CTSD: variants seen among roughly 807,000 people sequenced by gnomAD.
CTSD encodes ceroid-lipofuscinosis, neuronal 10.
Under a neutral mutation model 43.6 loss-of-function variants are expected in CTSD, and 28 were observed. The ratio of observed to expected loss-of-function variants is 0.64; its 90% confidence interval spans 0.48 to 0.88. The LOEUF (loss-of-function observed/expected upper bound fraction) is 0.88, where lower values mean the gene tolerates loss of function less well. Among genes scored for constraint, CTSD ranks in the 40% least tolerant of loss-of-function variants. CTSD has a pLI of 0.00. For missense variants in CTSD, 485 were observed against 555.2 expected (o/e 0.87, Z 1.27); for synonymous variants, 270 against 249.8 (o/e 1.08, Z -0.76).
chr11:1,763,759 C>T, intron 1 of CTSD, 33 bp downstream of exon 1: 1 of 1,514,648 alleles, frequency 6.6e-7, no homozygotes, highest in Non-Finnish European at 8.8e-7. Flanking sequence ...GCGACCCCTG[C>T]CCGTCCCTGA....
At chr11:1,762,479 TGA>T (rs1845892538) in intron 1 of CTSD, 1 of 152,086 alleles carries the variant, frequency 6.6e-6, no homozygotes, top group Non-Finnish European at 1.5e-5. Flanking sequence ...CCCAGGGACT[TGA>T]GAGTACAAGG....
chr11:1,761,024 G>A, intron 2 of CTSD: 2 of 476,486 alleles, frequency 4.2e-6, no homozygotes, highest in South Asian at 2.1e-5. Flanking sequence ...CACTCAGGCA[G>A]GCCCAAGGAC....
rs1335299144 is a variant in CTSD, at chr11:1,761,338, T to G, written c.199A>C (p.Ile67Leu). The G allele has an allele frequency of 8.7e-6, 14 of 1,613,740 alleles. No homozygotes were observed. The highest frequency in any genetic ancestry group is 3.3e-5 in the Admixed American group (2 of 60,008). ...QAVPAVTEGPIPEVLKNYMDA... is the reference protein window; with the variant it reads ...QAVPAVTEGPLPEVLKNYMDA... ...ATGTAGTTCTTGAGCACCTCGGGAA[T>G]GGGCCCCTCGGTCACGGCTGGCACC... The change falls in exon 2 of 9, where the codon ATT becomes CTT. Residue 67 changes from isoleucine (I) to leucine (L), a missense_variant. Transcript: ENST00000236671.
rs533670455 is a variant in CTSD, at chr11:1,762,804, C to T, written c.68+988G>A. Among the ~76,000 whole-genome samples the T allele has an allele frequency of 2.0e-5, 3 of 152,322 alleles. No individual in the cohort carries two copies. The South Asian group carries it at 6.2e-4, about 32-fold the overall frequency. On this transcript the variant is annotated intron_variant, in intron 1 of 8. Transcript: ENST00000236671. ...AGGCTCAGGCTTGTGGCTACTCCCC[C>T]ACAACGACTTTAATTGGGGCTACCC...
Position 1,753,912 on chromosome 11 carries a change from T to C in CTSD, c.973-11A>G. 1 of 1,612,926 alleles carries C rather than the reference T, an allele frequency of 6.2e-7. No individual in the cohort carries two copies. The highest frequency in any genetic ancestry group is 8.5e-7 in the Non-Finnish European group (1 of 1,179,382). On this transcript the variant is annotated splice_polypyrimidine_tract_variant and intron_variant, in intron 7 of 8. Transcript: ENST00000236671. The stretch of plus-strand genomic sequence containing the variant: ...ACAGGGGATCATGTACTAAGAGGGG[T>C]CACAGCAGTGTCAGGGTGGTAGTGG...
intron 5 of CTSD, among the ~76,000 whole-genome samples, chr11:1,756,830 G>T (rs982730682): frequency 5.9e-5 from 9 of 152,194 alleles, no homozygotes; most frequent in African/African-American, 2.2e-4. Flanking sequence ...ACCTGCTGGG[G>T]ACGCCCACAG....
Position 1,759,046 on chromosome 11 carries a change from C to T in CTSD, c.394G>A (p.Val132Met), listed in dbSNP as rs770820791. ...KYNSDKSSTYVKNGTSFDIHY... is the reference protein window; with the variant it reads ...KYNSDKSSTYMKNGTSFDIHY... The stretch of plus-strand genomic sequence containing the variant: ...ATGTCAAACGAGGTACCATTCTTCA[C>T]GTAGGTGCTGGACTTGTCGCTGTTG... The change falls in exon 4 of 9, where the codon GTG becomes ATG. Residue 132 changes from valine to methionine, a missense_variant. By Grantham distance (21) the Val-to-Met change is conservative (BLOSUM62 1). Coordinates refer to ENST00000236671, the MANE Select transcript of CTSD (RefSeq NM_001909.5). The T allele has an allele frequency of 6.8e-6, 11 of 1,614,166 alleles. No homozygotes were observed. The highest frequency in any genetic ancestry group is 9.3e-6 in the Non-Finnish European group (11 of 1,179,978).
rs1845792332 is a variant in CTSD, at chr11:1,754,976, T to TG, written c.756dup (p.Lys253GlnfsTer39). ...TAGGACAGAGAACCCTTGTAATACT[T>TG]GGAGTCTGTGCCACCCAGCATCAGC... On this transcript the variant is annotated frameshift_variant, in exon 6 of 9. Transcript: ENST00000236671. LOFTEE classifies it high-confidence loss of function. The TG allele has an allele frequency of 1.2e-6, 2 of 1,613,786 alleles. No individual in the cohort carries two copies. Among genetic ancestry groups the TG allele is most frequent in the Non-Finnish European group, 1.7e-6 (2 of 1,179,896 alleles).
chr11:1,762,841 A>G (rs1466399385), intron 1 of CTSD, among the ~76,000 whole-genome samples: 3 of 152,156 alleles, frequency 2.0e-5, no homozygotes, highest in Non-Finnish European at 4.4e-5. Context: ...CCCCCGGGCC[A>G]TTCCCCACAG....
In CTSD at chr11:1,763,773, C is replaced by T. The variant is rs1008670744; in HGVS notation, c.68+19G>A. On this transcript the variant is annotated intron_variant, in intron 1 of 8. Transcript: ENST00000236671. ...CGCGACCCCTGCCCGTCCCTGAGCC[C>T]CGGCCCCTGAGGCTTCACCTGACGA... 1.2e-5 allele frequency: 19 copies of T among 1,522,890 alleles called. No individual in the cohort carries two copies. The East Asian group carries it at 4.8e-4, about 39-fold the overall frequency. 94.3% of individuals were successfully genotyped at this position (1,522,890 alleles called of 1,614,324 possible).
intron 2 of CTSD, 90 bp downstream of exon 2, chr11:1,761,219 G>T: frequency 6.8e-7 from 1 of 1,475,028 alleles, no homozygotes; most frequent in Non-Finnish European, 9.5e-7. Flanking sequence ...CTGCGCTGCT[G>T]AGAACAGGAG....
chr11:1,754,236 C>T (rs1338028777), intron 6 of CTSD, 98 bp from the exon 7 acceptor site: 2 of 1,389,256 alleles, frequency 1.4e-6, no homozygotes, highest in South Asian at 1.2e-5. Flanking sequence ...CTGGGCTGCA[C>T]TCTCCTCCCC....
chr11:1,753,375 G>T lies in CTSD; in HGVS notation c.*128C>A. 1 of 1,181,002 alleles carries T rather than the reference G, an allele frequency of 8.5e-7. No homozygotes were observed. Among genetic ancestry groups the T allele is most frequent in the Non-Finnish European group, 1.3e-6 (1 of 797,782 alleles). The allele number at this position is 1,181,002 out of a possible 1,614,324, so 73.2% of individuals were successfully genotyped here. ...ACAGCAAGTCGGGCTTGGGCCGCCGGCTTCCAGGGCGCCCAGGACAGTGGG... is the reference window on the plus strand; with the variant it reads ...ACAGCAAGTCGGGCTTGGGCCGCCGTCTTCCAGGGCGCCCAGGACAGTGGG... On this transcript the variant is annotated 3_prime_UTR_variant, in exon 9 of 9. Coordinates refer to ENST00000236671, the MANE Select transcript of CTSD (RefSeq NM_001909.5).
chr11:1,757,696 G>A (rs2133662282), intron 4 of CTSD, 140 bp from the exon 5 acceptor site: 1 of 755,802 alleles, frequency 1.3e-6, no homozygotes, highest in Non-Finnish European at 2.2e-6. Context: ...GAAAGGGCTG[G>A]AAACCCTGAG....
chr11:1,761,819 C>T (rs150432742), intron 1 of CTSD: 11 of 395,864 alleles, frequency 2.8e-5, no homozygotes, highest in Middle Eastern at 8.2e-4. Flanking sequence ...TCTGCACCTG[C>T]GCTGGTCTCT....
intron 8 of CTSD, 46 bp from the exon 9 acceptor site, chr11:1,753,716 C>A (rs769215967): frequency 3.7e-6 from 6 of 1,609,858 alleles, no homozygotes; most frequent in South Asian, 1.1e-5. Context: ...CACCACCCGC[C>A]CCCCCACCTG....
At chr11:1,759,440 T>G in intron 3 of CTSD, 76 bp downstream of exon 3, 1 of 1,596,772 alleles carries the variant, frequency 6.3e-7, no homozygotes, top group Non-Finnish European at 8.5e-7. Flanking sequence ...GTTGCCCAAG[T>G]GATTCCTGAG....
chr11:1,758,297 C>T (rs571500679), intron 4 of CTSD, among the ~76,000 whole-genome samples: 9 of 152,122 alleles, frequency 5.9e-5, no homozygotes, highest in Non-Finnish European at 8.8e-5. Flanking sequence ...CCTCCTGGCC[C>T]GCTCCAGAGC....
At chr11:1,760,980 G>A (rs1339390713) in intron 2 of CTSD, 2 of 400,642 alleles carry the variant, frequency 5.0e-6, no homozygotes, top group Admixed American at 3.6e-5. Flanking sequence ...CCTCCCAGCA[G>A]GACAGCAGTG....
Sources: gnomAD v4.1 joint callset for allele counts (sites outside exome capture counted in the v4.1 genomes callset) on GRCh38, gnomAD v4.1.1 for gene constraint, MANE v1.5 for transcripts, NCBI Gene and HGNC (gene_info 2026-07-23, HGNC 2026-07-21) for gene names.